TMEM14C: variants seen among roughly 807,000 people sequenced by gnomAD.
The protein encoded by TMEM14C is transmembrane protein 14C, also known as chromosome 6 open reading frame 53.
TMEM14C carries 13 observed loss-of-function variants against 14.8 expected under a neutral mutation model. The ratio of observed to expected loss-of-function variants is 0.88; its 90% CI spans 0.57 to 1.40. The LOEUF is 1.40. TMEM14C is among the 40% of genes most tolerant of loss of function. The probability of loss-of-function intolerance (pLI) is 0.00; values close to 1 mark genes in which losing one functional copy is unlikely to be tolerated. For missense variants in TMEM14C, 142 were observed against 138.8 expected (o/e 1.02, Z -0.12); for synonymous variants, 57 against 51.3 (o/e 1.11, Z -0.48).
At chr6:10,726,048 C>G in intron 4 of TMEM14C, 40 bp downstream of exon 4, 4 of 1,609,118 alleles carry the variant, frequency 2.5e-6, no homozygotes, top group Non-Finnish European at 3.4e-6. Context: ...AGCTATGTAT[C>G]CAGAATACTC....
At chr6:10,725,749 C>T (rs189054013) in intron 3 of TMEM14C, among the ~76,000 whole-genome samples, 158 bp from the exon 4 acceptor site, 1 of 152,220 alleles carries the variant, frequency 6.6e-6, no homozygotes, top group East Asian at 1.9e-4. Flanking sequence ...GAAGATAGCA[C>T]ACTCTCTGTA....
At chr6:10,723,571 C>G (rs558134242) in intron 1 of TMEM14C, among the ~76,000 whole-genome samples, 1 of 150,882 alleles carries the variant, frequency 6.6e-6, no homozygotes, top group African/African-American at 2.4e-5. Flanking sequence ...CGCTGCCCTT[C>G]CCTGTTTTAT....
chr6:10,724,583 G>T lies in TMEM14C; in HGVS notation c.-31G>T. ...TGTTTTCTGCAGGTGCAGGCCTGGG[G>T]TAGTCTCCTGTCTGGACAGAGAAGA... On this transcript the variant is annotated 5_prime_UTR_variant, in exon 2 of 6. Coordinates refer to ENST00000229563, the MANE Select transcript of TMEM14C (RefSeq NM_016462.4). 6.2e-7 allele frequency: 1 copy of T among 1,612,340 alleles called. No homozygotes were observed. The highest frequency in any genetic ancestry group is 8.5e-7 in the Non-Finnish European group (1 of 1,179,028).
intron 1 of TMEM14C, among the ~76,000 whole-genome samples, chr6:10,724,068 C>T (rs1273905536): frequency 6.6e-6 from 1 of 152,158 alleles, no homozygotes; most frequent in Admixed American, 6.6e-5. Context: ...CTACTACTGC[C>T]CTCCTAACAA....
At position 10,730,635 on chromosome 6, in the gene TMEM14C, T is replaced by C. The variant is rs918954631; in HGVS notation, c.308T>C (p.Val103Ala). The change falls in exon 6 of 6, where the codon GTT (valine) becomes GCT (alanine). Residue 103 changes from valine to alanine, a missense_variant. Transcript: ENST00000229563. ...AACAGTTTGCTGATGGTCGCCAAAG[T>C]TGGAGTTAGTATGTTCAACAGACCC... The part of the protein sequence containing the change: ...AGASLLMVAK[V>A]GVSMFNRPH 3 of 1,612,582 alleles carry C rather than the reference T, an allele frequency of 1.9e-6. No homozygotes were observed. Among genetic ancestry groups the C allele is most frequent in the African/African-American group, 2.7e-5 (2 of 74,930 alleles).
Position 10,731,035 on chromosome 6 carries a change from C to T in TMEM14C, c.*369C>T, listed in dbSNP as rs1046302. ...GAAAAAAAGTCTTTTAGGAGATTTA[C>T]AATATCTGTTCTTTTGCTCATCTTA... On this transcript the variant is annotated 3_prime_UTR_variant, in exon 6 of 6. Transcript: ENST00000229563. 2.6e-5 allele frequency: 26 copies of T among 992,610 alleles called. No homozygotes were observed. The South Asian group carries it at 3.7e-4, about 14-fold the overall frequency. 61.5% of individuals were successfully genotyped at this position (992,610 alleles called of 1,614,324 possible).
chr6:10,729,220 C>G (rs779462363), intron 5 of TMEM14C, among the ~76,000 whole-genome samples: 4 of 152,234 alleles, frequency 2.6e-5, no homozygotes, highest in Admixed American at 6.5e-5. Context: ...CAATCACCAT[C>G]TGCCTCCCGG....
At chr6:10,725,119 A>G in intron 3 of TMEM14C, 82 bp downstream of exon 3, 7 of 1,552,472 alleles carry the variant, frequency 4.5e-6, no homozygotes, top group South Asian at 1.1e-5. Context: ...CTGAGAAGCA[A>G]TCTCATTTGA....
At chr6:10,727,430 C>T (rs1032169324) in intron 4 of TMEM14C, among the ~76,000 whole-genome samples, 6 of 151,926 alleles carry the variant, frequency 3.9e-5, no homozygotes, top group African/African-American at 9.7e-5. Flanking sequence ...ACCTCCACCT[C>T]CCAGATTCAA....
intron 3 of TMEM14C, 85 bp from the exon 4 acceptor site, chr6:10,725,822 C>T: frequency 6.5e-7 from 1 of 1,540,990 alleles, no homozygotes; most frequent in Non-Finnish European, 8.9e-7. Context: ...GTGCTGTCCT[C>T]CTTTGTAGGG....
At chr6:10,725,413 CAG>C (rs1770828050) in intron 3 of TMEM14C, among the ~76,000 whole-genome samples, 1 of 152,172 alleles carries the variant, frequency 6.6e-6, no homozygotes, top group African/African-American at 2.4e-5. Flanking sequence ...TTAGGCCAGG[CAG>C]GGGTGTGTCA....
At chr6:10,724,933 C>T (rs778638637) in intron 2 of TMEM14C, 28 bp from the exon 3 acceptor site, 2 of 1,613,610 alleles carry the variant, frequency 1.2e-6, no homozygotes, top group East Asian at 4.5e-5. Flanking sequence ...GCCAGGTTAG[C>T]ACTGACTTCT....
Position 10,728,936 on chromosome 6 carries a change from G to A in TMEM14C, c.287+209G>A, listed in dbSNP as rs1163991849. On this transcript the variant is annotated intron_variant, in intron 5 of 5. Transcript: ENST00000229563. Reference sequence around the variant, plus strand: ...GTATATCCATTCACCGTGGAAATGGGTTTGTTCTCATATTTGCTTTCCAGT... The same window carrying A: ...GTATATCCATTCACCGTGGAAATGGATTTGTTCTCATATTTGCTTTCCAGT... 3.3e-6 allele frequency: 4 copies of A among 1,230,194 alleles called. No homozygotes were observed. In the African/African-American group the frequency reaches 4.5e-5, roughly 14 times the overall value. 76.2% of individuals were successfully genotyped at this position (1,230,194 alleles called of 1,614,324 possible).
At position 10,729,433 on chromosome 6, in the gene TMEM14C, C is replaced by G. The variant is rs568708186; in HGVS notation, c.287+706C>G. ...CAGGCGTGACCCACTGCGGCTGGCC[C>G]TGTTTTCTAATTTTGATTATAAAAC... On this transcript the variant is annotated intron_variant, in intron 5 of 5. Transcript: ENST00000229563. Among the ~76,000 whole-genome samples the G allele has an allele frequency of 1.3e-3, 204 of 152,192 alleles. 1 individual carries two copies. Among genetic ancestry groups the G allele is most frequent in the Non-Finnish European group, 1.3e-3 (90 of 68,012 alleles).
At chr6:10,724,836 C>A in intron 2 of TMEM14C, 125 bp from the exon 3 acceptor site, 1 of 1,372,716 alleles carries the variant, frequency 7.3e-7, no homozygotes, top group Non-Finnish European at 1.0e-6. Context: ...GTCATCCAAC[C>A]TCTGTGGTCC....
intron 2 of TMEM14C, 101 bp from the exon 3 acceptor site, chr6:10,724,860 T>TA: frequency 7.0e-7 from 1 of 1,436,826 alleles, no homozygotes; most frequent in East Asian, 2.3e-5. Context: ...TTTTCAGTGA[T>TA]AGGACCTGTG....
intron 4 of TMEM14C, among the ~76,000 whole-genome samples, chr6:10,726,414 GACT>G (rs1296616447): frequency 6.6e-6 from 1 of 152,206 alleles, no homozygotes; most frequent in East Asian, 1.9e-4. Flanking sequence ...AGCTAAATGT[GACT>G]GCAGTGACTC....
At chr6:10,725,876 T>A in intron 3 of TMEM14C, 31 bp from the exon 4 acceptor site, 3 of 1,612,260 alleles carry the variant, frequency 1.9e-6, no homozygotes, top group Non-Finnish European at 2.5e-6. Context: ...TGCCTGACAT[T>A]ACAATGCAAG....
At chr6:10,724,449 C>T (rs1770794640) in intron 1 of TMEM14C, 121 bp from the exon 2 acceptor site, 5 of 661,890 alleles carry the variant, frequency 7.6e-6, no homozygotes, top group South Asian at 7.4e-5. Flanking sequence ...CAGTGTTATC[C>T]TCATGGTACA....
Sources: allele counts gnomAD v4.1 joint callset (sites outside exome capture counted in the v4.1 genomes callset), GRCh38; gene constraint gnomAD v4.1.1; transcripts MANE v1.5; gene names NCBI Gene and HGNC (gene_info 2026-07-23, HGNC 2026-07-21).